Variants in CCDC181 observed in about 807,000 individuals in gnomAD.
CCDC181 encodes the protein coiled-coil domain-containing protein 181.
CCDC181 carries 35 observed loss-of-function variants against 58.7 expected under a neutral mutation model. The ratio of observed to expected loss-of-function variants is 0.60; its 90% CI spans 0.46 to 0.79. CCDC181 has a LOEUF of 0.79. CCDC181 is among the 30% of genes least tolerant of loss of function. The pLI is 0.00. For synonymous variants in CCDC181, 183 were observed against 197.5 expected, an observed-to-expected ratio of 0.93 and a Z score of 0.62; for missense variants, 517 against 583.9, an observed-to-expected ratio of 0.89 and a Z score of 1.18.
chr1:169,413,444 G>T (rs1656067120), intron 4 of CCDC181, among the ~76,000 whole-genome samples: 1 of 152,174 alleles, frequency 6.6e-6, no homozygotes, highest in Admixed American at 6.5e-5. Flanking sequence ...TTCAACCACT[G>T]TGGAAGACAG....
rs1482855012 is a variant in CCDC181, at chr1:169,395,042, A to G, written c.*5T>C. 1 of 1,579,436 alleles carries G rather than the reference A, an allele frequency of 6.3e-7. No individual in the cohort carries two copies. The highest frequency in any genetic ancestry group is 2.3e-5 in the East Asian group (1 of 43,396). ...GCTGCCCACTGAAATATTTAATAGA[A>G]ACTTTCAGTTATAATGATCAGTAAA... On this transcript the variant is annotated 3_prime_UTR_variant, in exon 6 of 6. Transcript: ENST00000367806.
intron 4 of CCDC181, among the ~76,000 whole-genome samples, chr1:169,403,436 AACACAGAAATTATT>A (rs1361163358): frequency 6.6e-6 from 1 of 152,270 alleles, no homozygotes; most frequent in African/African-American, 2.4e-5. Context: ...CAAATGTAAA[AACACAGAAATTATT>A]ACAAACTGTC....
At chr1:169,420,721 A>G (rs1396036087) in intron 3 of CCDC181, among the ~76,000 whole-genome samples, 7 of 152,294 alleles carry the variant, frequency 4.6e-5, no homozygotes, top group African/African-American at 1.7e-4. Context: ...GAGCACTGAC[A>G]TAAGTAATTC....
chr1:169,439,020 C>A (rs1657132719), intron 2 of CCDC181, among the ~76,000 whole-genome samples: 2 of 152,200 alleles, frequency 1.3e-5, no homozygotes, highest in Non-Finnish European at 2.9e-5. Context: ...AACCAAGACT[C>A]TTCCTACTAG....
upstream of CCDC181, among the ~76,000 whole-genome samples, chr1:169,430,921 G>T (rs529029001): frequency 1.3e-5 from 2 of 152,302 alleles, no homozygotes; most frequent in East Asian, 3.9e-4. Context: ...CAACCAATCA[G>T]AGGTTGAAGT....
Position 169,398,635 on chromosome 1 carries a change from AATAAAATTTAAACTTCAGTTTCTCAGTC to A in CCDC181, c.1216-1272_1216-1245del, listed in dbSNP as rs1445250191. ...ACCACAAGTCATAAGTGGCTATTTA[AATAAAATTTAAACTTCAGTTTCTCAGTC>A]ATACTAGCTACATTTCAAGTGCTTA... On this transcript the variant is annotated intron_variant, in intron 4 of 5. Transcript: ENST00000367806. Among the ~76,000 whole-genome samples the A allele has an allele frequency of 7.9e-5, 12 of 152,334 alleles. No individual in the cohort carries two copies. The East Asian group carries it at 1.5e-3, about 20-fold the overall frequency.
At chr1:169,404,556 A>C (rs1571467486) in intron 4 of CCDC181, among the ~76,000 whole-genome samples, 1 of 152,334 alleles carries the variant, frequency 6.6e-6, no homozygotes, top group East Asian at 1.9e-4. Flanking sequence ...CCAAAGACAA[A>C]AACCACATGA....
chr1:169,421,903 A>T lies in CCDC181; in HGVS notation c.528T>A (p.Phe176Leu), dbSNP rs1255041689. The change falls in exon 3 of 6, where the codon TTT becomes TTA. Residue 176 changes from phenylalanine to leucine, a missense_variant. Phe to Leu is a conservative substitution (Grantham distance 22, BLOSUM62 0). Coordinates refer to ENST00000367806, the MANE Select transcript of CCDC181 (RefSeq NM_001300969.2). The part of the protein sequence containing the change: ...LEDTTTFKNY[F>L]ENERNMFGKL... ...TCCCAAACATATTCCTTTCGTTTTC[A>T]AAATAATTTTTAAAAGTAGTAGTGT... is the stretch of plus-strand genomic sequence containing the variant. The T allele has an allele frequency of 6.2e-7, 1 of 1,613,680 alleles. No homozygotes were observed. Among genetic ancestry groups the T allele is most frequent in the Non-Finnish European group, 8.5e-7 (1 of 1,179,954 alleles).
chr1:169,409,358 C>A (rs1362930933), intron 4 of CCDC181, among the ~76,000 whole-genome samples: 2 of 152,016 alleles, frequency 1.3e-5, no homozygotes, highest in Non-Finnish European at 2.9e-5. Flanking sequence ...TGAAAAGGAA[C>A]AAACTTGGCC....
chr1:169,442,853 G>C (rs1657271599), intron 2 of CCDC181: 1 of 151,856 alleles, frequency 6.6e-6, no homozygotes, highest in Non-Finnish European at 1.5e-5. Context: ...GAAGTGTCAG[G>C]GTGTGTTCTG....
At chr1:169,458,175 G>GTTTTTTTTTTTTTT (rs369111049) in intron 2 of CCDC181, among the ~76,000 whole-genome samples, 2 of 126,894 alleles carry the variant, frequency 1.6e-5, no homozygotes, top group Non-Finnish European at 3.2e-5. Flanking sequence ...AGTAATTTTT[G>GTTTTTTTTTTTTTT]TTTTTTTTTT....
intron 2 of CCDC181, among the ~76,000 whole-genome samples, chr1:169,447,119 G>C (rs746031397): frequency 6.6e-6 from 1 of 151,566 alleles, no homozygotes; most frequent in Non-Finnish European, 1.5e-5. Flanking sequence ...GTTGTTTTTG[G>C]TTTATTTTTT....
intron 2 of CCDC181, among the ~76,000 whole-genome samples, chr1:169,435,412 TG>T (rs1386452732): frequency 6.6e-6 from 1 of 152,128 alleles, no homozygotes. Context: ...ACAAAAAAGA[TG>T]TTACAAGAAG....
intron 2 of CCDC181, among the ~76,000 whole-genome samples, chr1:169,439,431 G>A (rs1270101977): frequency 6.6e-6 from 1 of 152,194 alleles, no homozygotes; most frequent in Admixed American, 6.5e-5. Flanking sequence ...AAATGGGAGA[G>A]TTCCCTGACC....
intron 2 of CCDC181, among the ~76,000 whole-genome samples, chr1:169,448,392 T>C (rs1290785948): frequency 6.6e-6 from 1 of 151,562 alleles, no homozygotes; most frequent in African/African-American, 2.4e-5. Context: ...TTCCTTCAGT[T>C]TTTGTTTTTC....
chr1:169,401,510 C>T (rs904039141), intron 4 of CCDC181, among the ~76,000 whole-genome samples: 3 of 152,094 alleles, frequency 2.0e-5, no homozygotes, highest in Admixed American at 1.3e-4. Flanking sequence ...TGTTCTGCAG[C>T]CTCTGCTGGT....
At chr1:169,413,118 C>A (rs968967095) in intron 4 of CCDC181, among the ~76,000 whole-genome samples, 2 of 152,152 alleles carry the variant, frequency 1.3e-5, no homozygotes, top group African/African-American at 2.4e-5. Context: ...TTTTTGCAAT[C>A]TATCCACTAG....
intron 2 of CCDC181, among the ~76,000 whole-genome samples, chr1:169,456,955 T>G (rs1657691633): frequency 6.6e-6 from 1 of 152,194 alleles, no homozygotes; most frequent in Non-Finnish European, 1.5e-5. Flanking sequence ...ATTGCTGGCA[T>G]GGACTTTTTC....
rs949286503 is a variant in CCDC181 at position 169,450,200 on chromosome 1, C to T, written c.-24+9597G>A. ...CAAGAGGAAGCTAGAGTTGAAGAAACTGTCCTTCCCCTACAGAGGATAAGG... is the reference window on the plus strand; with the variant it reads ...CAAGAGGAAGCTAGAGTTGAAGAAATTGTCCTTCCCCTACAGAGGATAAGG... On this transcript the variant is annotated intron_variant, in intron 2 of 6. Transcript: ENST00000545005. 3.9e-5 allele frequency among the ~76,000 whole-genome samples: 6 copies of T among 152,228 alleles called. No individual in the cohort carries two copies. The South Asian group carries it at 8.3e-4, about 21-fold the overall frequency.
Sources: allele counts gnomAD v4.1 joint callset (sites outside exome capture counted in the v4.1 genomes callset), GRCh38; gene constraint gnomAD v4.1.1; transcripts MANE v1.5; gene names NCBI Gene and HGNC (gene_info 2026-07-23, HGNC 2026-07-21).